The following SUPT16H variants were observed in gnomAD, a reference collection of about 807,000 sequenced individuals.
The protein encoded by SUPT16H is SPT16 homolog, facilitates chromatin remodeling subunit, also known as FACT complex subunit SPT16.
A neutral mutation model predicts 136.2 loss-of-function variants in SUPT16H; 24 were observed. The ratio of observed to expected loss-of-function variants is 0.18; its 90% CI spans 0.13 to 0.25. SUPT16H has a LOEUF of 0.25. Ranked by LOEUF, SUPT16H falls within the 10% of genes least tolerant of loss-of-function variation. The pLI is 1.00. For missense variants in SUPT16H, 623 were observed against 1,270.2 expected (o/e 0.49, Z 7.74); for synonymous variants, 415 against 428.2 (o/e 0.97, Z 0.38).
rs576196645 is a variant in SUPT16H, at chr14:21,362,530, G to A, written c.1666-206C>T. Among the ~76,000 whole-genome samples, 370 of 152,214 alleles carry A rather than the reference G, an allele frequency of 2.4e-3. 3 individuals are homozygous for A. Among genetic ancestry groups the A allele is most frequent in the African/African-American group, 6.6e-3 (275 of 41,548 alleles). On this transcript the variant is annotated intron_variant, in intron 14 of 25. Transcript: ENST00000216297. Reference sequence around the variant, plus strand: ...GAATTCTCAAAGTACCTTGTACCATGAATACAACTAAAAGTTAAACAATGA... The same window carrying A: ...GAATTCTCAAAGTACCTTGTACCATAAATACAACTAAAAGTTAAACAATGA...
At chr14:21,372,469 C>T in intron 2 of SUPT16H, 1 of 312,736 alleles carries the variant, frequency 3.2e-6, no homozygotes, top group South Asian at 2.7e-5. Flanking sequence ...GATATTTTAC[C>T]TTCCTTTCAG....
rs960351471 is a variant in SUPT16H, at chr14:21,351,613, A to C, written c.*1060T>G. On this transcript the variant is annotated 3_prime_UTR_variant, in exon 26 of 26. Transcript: ENST00000216297. ...GGGACCCCTCCCCCCTTCTTCTCTT[A>C]AAGTCACAGAGCACGGAAGGAACTG... 1 of 167,056 alleles carries C rather than the reference A, an allele frequency of 6.0e-6. No homozygotes were observed. The highest frequency in any genetic ancestry group is 2.4e-5 in the African/African-American group (1 of 41,646). 10.3% of individuals were successfully genotyped at this position (167,056 alleles called of 1,614,324 possible). A position where few individuals can be genotyped will look rare whatever the true frequency, so the allele number is the denominator to read the frequency against.
At chr14:21,371,489 C>A (rs1302961975) in intron 3 of SUPT16H, among the ~76,000 whole-genome samples, 1 of 152,112 alleles carries the variant, frequency 6.6e-6, no homozygotes, top group African/African-American at 2.4e-5. Flanking sequence ...GAGAAAACAT[C>A]CCATGTTAGG....
At chr14:21,373,814 G>A (rs534266793) in intron 1 of SUPT16H, among the ~76,000 whole-genome samples, 3 of 152,064 alleles carry the variant, frequency 2.0e-5, no homozygotes, top group Non-Finnish European at 2.9e-5. Flanking sequence ...TGCAACCTCC[G>A]CCTCCTGGGT....
At chr14:21,361,303 C>G in intron 15 of SUPT16H, 90 bp from the exon 16 acceptor site, 1 of 1,053,742 alleles carries the variant, frequency 9.5e-7, no homozygotes, top group Middle Eastern at 2.2e-4. Flanking sequence ...AGCTTAATCT[C>G]TACTTTGCTT....
chr14:21,379,838 T>C (rs982498326), intron 1 of SUPT16H, among the ~76,000 whole-genome samples: 2 of 152,114 alleles, frequency 1.3e-5, no homozygotes, highest in African/African-American at 4.8e-5. Flanking sequence ...TGAGCAGTGA[T>C]TGTGCCATTG....
At chr14:21,380,119 T>C (rs913808452) in intron 1 of SUPT16H, among the ~76,000 whole-genome samples, 1 of 152,128 alleles carries the variant, frequency 6.6e-6, no homozygotes, top group African/African-American at 2.4e-5. Flanking sequence ...AACTATTATT[T>C]ACATGCACTT....
Position 21,383,923 on chromosome 14 carries a change from G to C in SUPT16H, c.5C>G (p.Ala2Gly). MAVTLDKDAYYR... is the reference protein window; with the variant it reads MGVTLDKDAYYR... Reference sequence around the variant, plus strand: ...ATAAGCGTCTTTGTCCAGAGTCACAGCCATAGCCCCGGACGCCGCTTCTCC... The same window carrying C: ...ATAAGCGTCTTTGTCCAGAGTCACACCCATAGCCCCGGACGCCGCTTCTCC... The change falls in exon 1 of 26, where the codon GCT (alanine) becomes GGT (glycine). Residue 2 changes from alanine (A) to glycine (G), a missense_variant. Coordinates refer to ENST00000216297, the MANE Select transcript of SUPT16H (RefSeq NM_007192.4). 2 of 1,612,494 alleles carry C rather than the reference G, an allele frequency of 1.2e-6. No homozygotes were observed. Among genetic ancestry groups the C allele is most frequent in the Non-Finnish European group, 1.7e-6 (2 of 1,180,030 alleles).
In SUPT16H at chr14:21,376,030, A is replaced by G. The variant is rs145568845; in HGVS notation, c.67-2600T>C. 3.4e-3 allele frequency among the ~76,000 whole-genome samples: 512 copies of G among 152,300 alleles called. 3 individuals carry two copies. The highest frequency in any genetic ancestry group is 0.012 in the African/African-American group (498 of 41,550). ...CAGTTAGGTCTATGATTCATTTTCA[A>G]TTAATTTTTTTGTATGGTCTGAGGA... is the stretch of plus-strand genomic sequence containing the variant. On this transcript the variant is annotated intron_variant, in intron 1 of 25. Coordinates refer to ENST00000216297, the MANE Select transcript of SUPT16H (RefSeq NM_007192.4).
chr14:21,376,061 C>G (rs1886895240), intron 1 of SUPT16H, among the ~76,000 whole-genome samples: 1 of 152,134 alleles, frequency 6.6e-6, no homozygotes, highest in Non-Finnish European at 1.5e-5. Context: ...GAGGACTAAC[C>G]CAACTTCATT....
chr14:21,382,602 A>C (rs1215449467), intron 1 of SUPT16H, among the ~76,000 whole-genome samples: 1 of 152,230 alleles, frequency 6.6e-6, no homozygotes, highest in African/African-American at 2.4e-5. Context: ...TCGGATTTTT[A>C]GTACTTACTG....
intron 5 of SUPT16H, 160 bp downstream of exon 5, chr14:21,369,590 C>T: frequency 9.5e-7 from 1 of 1,051,902 alleles, no homozygotes; most frequent in Non-Finnish European, 1.4e-6. Context: ...AAACATAACG[C>T]AGGCTTACCA....
chr14:21,373,136 G>C (rs989933716), intron 2 of SUPT16H, among the ~76,000 whole-genome samples: 9 of 152,138 alleles, frequency 5.9e-5, no homozygotes, highest in African/African-American at 1.9e-4. Flanking sequence ...TGTAAAGACA[G>C]GGTTTTGCCA....
At chr14:21,370,093 C>T (rs757893599) in intron 4 of SUPT16H, among the ~76,000 whole-genome samples, 197 bp from the exon 5 acceptor site, 3 of 152,128 alleles carry the variant, frequency 2.0e-5, no homozygotes, top group Non-Finnish European at 2.9e-5. Flanking sequence ...GTGTGTACTA[C>T]AAGAGGTGTT....
Position 21,372,349 on chromosome 14 carries a change from G to A in SUPT16H, c.160-305C>T, listed in dbSNP as rs115128362. The stretch of plus-strand genomic sequence containing the variant: ...TTTATAGGAAGTATATCAATGTTTA[G>A]TGATACAGAAATGCATAAAACAAGG... On this transcript the variant is annotated intron_variant, in intron 2 of 25. Coordinates refer to ENST00000216297, the MANE Select transcript of SUPT16H (RefSeq NM_007192.4). 1,365 of 330,380 alleles carry A rather than the reference G, an allele frequency of 4.1e-3. 20 individuals are homozygous for A. The highest frequency in any genetic ancestry group is 0.027 in the African/African-American group (1,285 of 46,840). 20.5% of individuals were successfully genotyped at this position (330,380 alleles called of 1,614,324 possible).
chr14:21,362,182 T>TCA lies in SUPT16H; in HGVS notation c.1793+14_1793+15insTG, dbSNP rs1435341733. 1 of 1,610,098 alleles carries TCA rather than the reference T, an allele frequency of 6.2e-7. No individual in the cohort carries two copies. Among genetic ancestry groups the TCA allele is most frequent in the Admixed American group, 1.7e-5 (1 of 59,414 alleles). On this transcript the variant is annotated intron_variant, in intron 15 of 25. Coordinates refer to ENST00000216297, the MANE Select transcript of SUPT16H (RefSeq NM_007192.4). Reference sequence around the variant, plus strand: ...GACAAGATGAATCTGGGTATGACTTTTCTTGGGGACTCACATTTCCTTGAC... The same window carrying TCA: ...GACAAGATGAATCTGGGTATGACTTTCATCTTGGGGACTCACATTTCCTTGAC...
At position 21,374,721 on chromosome 14, in the gene SUPT16H, A is replaced by G. The variant is rs111271969; in HGVS notation, c.67-1291T>C. ...TATACCACATTTTATCTATCCATTC[A>G]TCAGCTGCAGGACACTTGGGTTTTC... On this transcript the variant is annotated intron_variant, in intron 1 of 25. Transcript: ENST00000216297. 9.8e-3 allele frequency among the ~76,000 whole-genome samples: 1,487 copies of G among 152,302 alleles called. 23 individuals carry two copies. The highest frequency in any genetic ancestry group is 0.032 in the African/African-American group (1,319 of 41,554).
intron 7 of SUPT16H, among the ~76,000 whole-genome samples, chr14:21,366,800 C>A (rs1886680413): frequency 6.6e-6 from 1 of 152,086 alleles, no homozygotes; most frequent in African/African-American, 2.4e-5. Flanking sequence ...AGGCACACAC[C>A]ACTATGCCCA....
intron 25 of SUPT16H, among the ~76,000 whole-genome samples, chr14:21,353,211 T>C (rs1886360218): frequency 6.6e-6 from 1 of 152,202 alleles, no homozygotes; most frequent in Non-Finnish European, 1.5e-5. Context: ...GAGTATTACA[T>C]GAATATGTGG....
Sources: allele counts gnomAD v4.1 joint callset (sites outside exome capture counted in the v4.1 genomes callset), GRCh38; gene constraint gnomAD v4.1.1; transcripts MANE v1.5; gene names NCBI Gene and HGNC (gene_info 2026-07-23, HGNC 2026-07-21).